The following PKD1L3 variants were observed in gnomAD, a reference collection of about 807,000 sequenced individuals.
The protein encoded by PKD1L3 is polycystin 1 like 3, transient receptor potential channel interacting, also known as polycystin-1-like protein 3.
Under a neutral mutation model 184.1 loss-of-function variants are expected in PKD1L3, and 239 were observed. That is an observed-to-expected ratio of 1.30 (90% confidence interval 1.17 to 1.45). PKD1L3 has a LOEUF of 1.45. Ranked by LOEUF, PKD1L3 falls within the 40% of genes most tolerant of loss-of-function variation. PKD1L3 has a pLI of 0.00. For missense variants in PKD1L3, 2,660 were observed against 2,067.2 expected (o/e 1.29, Z -5.56); for synonymous variants, 996 against 778.8 (o/e 1.28, Z -4.64).
chr16:71,932,483 CTT>C (rs35193011), intron 28 of PKD1L3, among the ~76,000 whole-genome samples: 2 of 150,314 alleles, frequency 1.3e-5, no homozygotes, highest in African/African-American at 2.4e-5. Context: ...CATTATGTCA[CTT>C]TTTTTTTTGA....
intron 6 of PKD1L3, among the ~76,000 whole-genome samples, chr16:71,982,641 G>A (rs1010874567): frequency 2.0e-5 from 3 of 151,874 alleles, no homozygotes; most frequent in South Asian, 2.1e-4. Flanking sequence ...CTGTTGCCCC[G>A]TCTGGAGTGC....
At chr16:71,991,263 T>C in intron 3 of PKD1L3, 2 of 230,932 alleles carry the variant, frequency 8.7e-6, no homozygotes, top group Non-Finnish European at 2.0e-5. Context: ...TTTTATTTCT[T>C]GGCCAGGAAT....
rs2038955280 is a variant in PKD1L3 at position 71,954,091 on chromosome 16, G to A, written c.2809+14C>T. On this transcript the variant is annotated intron_variant, in intron 17 of 29. Transcript: ENST00000620267. ...TGCTTACTACAAACAACACACATCAGGGCTCATCCATACTTTGCTCATCTC... is the reference window on the plus strand; with the variant it reads ...TGCTTACTACAAACAACACACATCAAGGCTCATCCATACTTTGCTCATCTC... The A allele has an allele frequency of 5.9e-6, 9 of 1,513,282 alleles. No homozygotes were observed. Among genetic ancestry groups the A allele is most frequent in the Non-Finnish European group, 8.0e-6 (9 of 1,130,462 alleles). The allele number at this position is 1,513,282 out of a possible 1,614,324, so 93.7% of individuals were successfully genotyped here.
intron 21 of PKD1L3, 102 bp downstream of exon 21, chr16:71,949,675 TTGTTTA>T: frequency 9.6e-7 from 1 of 1,044,428 alleles, no homozygotes; most frequent in African/African-American, 1.6e-5. Context: ...TTGTTTTTTG[TTGTTTA>T]TGTTACATTG....
At chr16:71,934,629 A>G (rs185827220) in intron 26 of PKD1L3, among the ~76,000 whole-genome samples, 21 of 152,324 alleles carry the variant, frequency 1.4e-4, no homozygotes, top group Admixed American at 7.2e-4. Context: ...TTGCTTAGCA[A>G]TTAGGTTTTG....
rs536633746 is a variant in PKD1L3, at chr16:71,989,493, G to A, written c.585+787C>T. On this transcript the variant is annotated intron_variant, in intron 4 of 29. Transcript: ENST00000620267. ...TGTTAGAAACACTTATTTTTGCAGC[G>A]AGCATTGAGTCAAACAAATGCATAT... 4.6e-5 allele frequency among the ~76,000 whole-genome samples: 7 copies of A among 152,262 alleles called. No homozygotes were observed. In the South Asian group the frequency reaches 1.2e-3, roughly 27 times the overall value.
Position 71,983,366 on chromosome 16 carries a change from C to T in PKD1L3, c.966+670G>A, listed in dbSNP as rs139668336. ...TTCACCATGTTGCCCAGGCTGGTCT[C>T]GAACTCCTGGGCTCAAGCTATCCGC... On this transcript the variant is annotated intron_variant, in intron 6 of 29. Transcript: ENST00000620267. Among the ~76,000 whole-genome samples, 16 of 152,122 alleles carry T rather than the reference C, an allele frequency of 1.1e-4. No individual in the cohort carries two copies. In the East Asian group the frequency reaches 2.3e-3, roughly 22 times the overall value.
intron 19 of PKD1L3, among the ~76,000 whole-genome samples, chr16:71,950,719 T>A (rs1451461352): frequency 2.1e-5 from 3 of 142,180 alleles, no homozygotes; most frequent in African/African-American, 5.3e-5. Context: ...TACAGAAAAC[T>A]TTTTTTTGTA....
At position 71,989,943 on chromosome 16, in the gene PKD1L3, C is replaced by T. The variant is rs369107588; in HGVS notation, c.585+337G>A. On this transcript the variant is annotated intron_variant, in intron 4 of 29. Transcript: ENST00000620267. ...TACAAAAATTAGCTGGGTGTGGTGG[C>T]GCAGGCCTGTAATCCCAGCTACTTG... Among the ~76,000 whole-genome samples the T allele has an allele frequency of 2.3e-4, 35 of 152,026 alleles. 1 individual carries two copies. The highest frequency in any genetic ancestry group is 9.8e-4 in the Admixed American group (15 of 15,256).
chr16:71,989,681 T>G (rs985047140), intron 4 of PKD1L3, among the ~76,000 whole-genome samples: 1 of 152,210 alleles, frequency 6.6e-6, no homozygotes, highest in African/African-American at 2.4e-5. Flanking sequence ...TGTATTTTTG[T>G]AAGATGCCAC....
chr16:71,934,025 G>T lies in PKD1L3; in HGVS notation c.4714C>A (p.Arg1572Ser). The stretch of plus-strand genomic sequence containing the variant: ...ATGACCCGCAGCCTGGGGCTATGAC[G>T]CAGCAGGTTCCATAACTGAACAGTT... ...LATVQLWNLL[R>S]HSPRLRVISR... Residue 1572 changes from arginine to serine, a missense_variant, in exon 27 of 30, where the codon CGT becomes AGT. Physicochemically the swap from Arg to Ser is moderately radical, Grantham distance 110. Coordinates refer to ENST00000620267, the MANE Select transcript of PKD1L3 (RefSeq NM_181536.2). 6.4e-7 allele frequency: 1 copy of T among 1,551,792 alleles called. No individual in the cohort carries two copies.
At chr16:71,931,820 C>T (rs909973551) in intron 28 of PKD1L3, among the ~76,000 whole-genome samples, 1 of 152,104 alleles carries the variant, frequency 6.6e-6, no homozygotes, top group Non-Finnish European at 1.5e-5. Context: ...ATACATCTCT[C>T]TTATACTTGA....
At chr16:71,974,938 A>G (rs1168264974) in intron 11 of PKD1L3, among the ~76,000 whole-genome samples, 3 of 152,112 alleles carry the variant, frequency 2.0e-5, no homozygotes, top group Non-Finnish European at 4.4e-5. Flanking sequence ...ATTTTTCCCA[A>G]CGTAAAAATA....
intron 3 of PKD1L3, among the ~76,000 whole-genome samples, chr16:71,990,559 C>G (rs899151966): frequency 2.6e-5 from 4 of 151,936 alleles, no homozygotes; most frequent in African/African-American, 9.7e-5. Flanking sequence ...GTGGTGAAAC[C>G]CCTATCTCTA....
intron 9 of PKD1L3, among the ~76,000 whole-genome samples, chr16:71,978,678 T>C (rs2040031719): frequency 6.6e-6 from 1 of 151,766 alleles, no homozygotes; most frequent in Non-Finnish European, 1.5e-5. Context: ...TAGCTGGGAC[T>C]ACAGGTGCAC....
chr16:71,993,363 A>G (rs777066591), intron 2 of PKD1L3, 31 bp from the exon 3 acceptor site: 1 of 1,372,972 alleles, frequency 7.3e-7, no homozygotes, highest in Non-Finnish European at 1.0e-6. Context: ...AAGTTAATTT[A>G]TAGGTTATAG....
intron 21 of PKD1L3, among the ~76,000 whole-genome samples, chr16:71,948,851 G>C (rs1456927996): frequency 7.5e-6 from 1 of 132,690 alleles, no homozygotes; most frequent in Non-Finnish European, 1.6e-5. Flanking sequence ...GTAATTCCAT[G>C]AGTGTTGTTT....
rs184868287 is a variant in PKD1L3 at position 71,984,019 on chromosome 16, A to C, written c.966+17T>G. On this transcript the variant is annotated intron_variant, in intron 6 of 29. Coordinates refer to ENST00000620267, the MANE Select transcript of PKD1L3 (RefSeq NM_181536.2). ...CCTCTCTCCTACCTTCTTCCCTCCCAGTCACCCTCCACTTACCTGAGCTGG... is the reference window on the plus strand; with the variant it reads ...CCTCTCTCCTACCTTCTTCCCTCCCCGTCACCCTCCACTTACCTGAGCTGG... 40 of 1,551,090 alleles carry C rather than the reference A, an allele frequency of 2.6e-5. No homozygotes were observed. In the East Asian group the frequency reaches 9.1e-4, roughly 35 times the overall value.
chr16:71,933,383 TATTGA>T (rs1367276778), intron 28 of PKD1L3, 32 bp downstream of exon 28: 15 of 1,443,332 alleles, frequency 1.0e-5, no homozygotes, highest in Middle Eastern at 1.7e-4. Flanking sequence ...TTGTTCAATA[TATTGA>T]ATTCTGTGAG....
Sources: allele counts gnomAD v4.1 joint callset (sites outside exome capture counted in the v4.1 genomes callset), GRCh38; gene constraint gnomAD v4.1.1; transcripts MANE v1.5; gene names NCBI Gene and HGNC (gene_info 2026-07-23, HGNC 2026-07-21).